GRM8: variants seen among roughly 807,000 people sequenced by gnomAD.
GRM8 encodes glutamate metabotropic receptor 8, also known as metabotropic glutamate receptor 8.
GRM8 carries 47 observed loss-of-function variants against 87.2 expected under a neutral mutation model. That is an observed-to-expected ratio of 0.54 (90% CI 0.43 to 0.69). The LOEUF is 0.69. GRM8 is among the 30% of genes least tolerant of loss of function. The pLI, the probability that GRM8 is intolerant of heterozygous loss-of-function variation, is 0.00. For missense variants in GRM8, 1,019 were observed against 1,139.2 expected (o/e 0.89, Z 1.52); for synonymous variants, 396 against 404.5 (o/e 0.98, Z 0.25).
chr7:126,863,287 C>T (rs1798293288), intron 6 of GRM8, among the ~76,000 whole-genome samples: 1 of 152,084 alleles, frequency 6.6e-6, no homozygotes. Flanking sequence ...GTTGGTGCCA[C>T]ATTTTATTAA....
At chr7:127,053,710 C>A in intron 3 of GRM8, among the ~76,000 whole-genome samples, 1 of 143,124 alleles carries the variant, frequency 7.0e-6, no homozygotes. Flanking sequence ...ATCACTTGAA[C>A]CTGGGAGGCA....
chr7:126,670,452 TTGTTA>T (rs541071503), intron 7 of GRM8, among the ~76,000 whole-genome samples: 19 of 152,330 alleles, frequency 1.2e-4, no homozygotes, highest in East Asian at 3.9e-4. Context: ...ATAATTAAGG[TTGTTA>T]TGTTAAGTTA....
intron 8 of GRM8, among the ~76,000 whole-genome samples, chr7:126,588,996 G>C (rs2151035278): frequency 6.6e-6 from 1 of 152,286 alleles, no homozygotes; most frequent in South Asian, 2.1e-4. Context: ...AGCCATTTCT[G>C]ACTTTGTCTC....
At chr7:126,855,966 T>G (rs1405893114) in intron 6 of GRM8, among the ~76,000 whole-genome samples, 1 of 152,188 alleles carries the variant, frequency 6.6e-6, no homozygotes, top group Non-Finnish European at 1.5e-5. Flanking sequence ...CATGTGAAGC[T>G]GTATGCCAGA....
chr7:126,862,582 A>T (rs748536645), intron 6 of GRM8, among the ~76,000 whole-genome samples: 10 of 152,050 alleles, frequency 6.6e-5, no homozygotes, highest in Non-Finnish European at 1.0e-4. Context: ...AATAAATATT[A>T]ACTGACTGCA....
At chr7:126,632,909 T>C (rs1448848410) in intron 7 of GRM8, among the ~76,000 whole-genome samples, 2 of 151,990 alleles carry the variant, frequency 1.3e-5, no homozygotes, top group African/African-American at 4.8e-5. Flanking sequence ...AGCGAGAGCA[T>C]GATATAGAGA....
chr7:126,958,057 G>A (rs1211767008), intron 3 of GRM8, among the ~76,000 whole-genome samples: 2 of 152,168 alleles, frequency 1.3e-5, no homozygotes, highest in African/African-American at 4.8e-5. Flanking sequence ...CCTACTTGGT[G>A]TCTCGGGTCT....
chr7:127,000,036 T>A (rs1391006799), intron 3 of GRM8, among the ~76,000 whole-genome samples: 1 of 151,858 alleles, frequency 6.6e-6, no homozygotes, highest in Non-Finnish European at 1.5e-5. Context: ...ATGTGGTACA[T>A]ATACACAATG....
At chr7:127,200,550 C>G (rs989564713) in intron 2 of GRM8, among the ~76,000 whole-genome samples, 1 of 152,200 alleles carries the variant, frequency 6.6e-6, no homozygotes, top group Non-Finnish European at 1.5e-5. Flanking sequence ...TGTTATCTCA[C>G]AGTCCTGGAG....
chr7:127,078,102 C>A (rs1822481514), intron 3 of GRM8, among the ~76,000 whole-genome samples: 1 of 152,226 alleles, frequency 6.6e-6, no homozygotes, highest in Non-Finnish European at 1.5e-5. Context: ...CATGTCTATT[C>A]AAATACCAAC....
chr7:126,546,123 T>C (rs1817128241), intron 8 of GRM8, among the ~76,000 whole-genome samples: 1 of 152,214 alleles, frequency 6.6e-6, no homozygotes, highest in Admixed American at 6.5e-5. Flanking sequence ...ATAAAGATGA[T>C]AATAATAGTA....
Position 126,438,844 on chromosome 7 carries a change from C to A in GRM8, c.*275G>T. The A allele has an allele frequency of 3.0e-6, 1 of 328,972 alleles. No individual in the cohort carries two copies. Among genetic ancestry groups the A allele is most frequent in the Non-Finnish European group, 5.6e-6 (1 of 179,368 alleles). The allele number at this position is 328,972 out of a possible 1,614,324, so 20.4% of individuals were successfully genotyped here. On this transcript the variant is annotated 3_prime_UTR_variant, in exon 11 of 11. Transcript: ENST00000339582. ...TTTCAACAGCATTTTTTTTCACGAG[C>A]TAACATTAGTTTTCCTTTTGTGATT...
intron 6 of GRM8, among the ~76,000 whole-genome samples, chr7:126,857,006 CT>C (rs1797747856): frequency 1.3e-5 from 2 of 152,306 alleles, no homozygotes; most frequent in South Asian, 4.1e-4. Context: ...TAAAGAAGTT[CT>C]TTGTAATTGC....
At chr7:127,091,464 C>CA (rs1824072358) in intron 3 of GRM8, among the ~76,000 whole-genome samples, 1 of 92,674 alleles carries the variant, frequency 1.1e-5, no homozygotes, top group African/African-American at 4.3e-5. Context: ...TCATCCCCCC[C>CA]ACCACCATCC....
At chr7:126,903,329 CT>C (rs1802286020) in intron 5 of GRM8, among the ~76,000 whole-genome samples, 1 of 151,942 alleles carries the variant, frequency 6.6e-6, no homozygotes, top group Non-Finnish European at 1.5e-5. Context: ...GATAGACTGC[CT>C]TTCAGGATGC....
At chr7:126,536,867 A>G (rs1815809416) in intron 8 of GRM8, among the ~76,000 whole-genome samples, 1 of 151,846 alleles carries the variant, frequency 6.6e-6, no homozygotes, top group African/African-American at 2.4e-5. Context: ...AATGAAAAAC[A>G]GCAAAAAAAA....
At chr7:127,213,709 T>A (rs569112239) in intron 2 of GRM8, among the ~76,000 whole-genome samples, 97 of 152,354 alleles carry the variant, frequency 6.4e-4, no homozygotes, top group African/African-American at 2.3e-3. Flanking sequence ...CTTCACTAGG[T>A]CTAATCTGTT....
At chr7:127,215,151 C>A (rs1796446526) in intron 2 of GRM8, 1 of 152,302 alleles carries the variant, frequency 6.6e-6, no homozygotes, top group South Asian at 2.1e-4. Flanking sequence ...TCCTACAAAG[C>A]TGATTCTCTT....
intron 2 of GRM8, among the ~76,000 whole-genome samples, chr7:127,143,719 C>T (rs1288736180): frequency 6.6e-6 from 1 of 152,042 alleles, no homozygotes; most frequent in East Asian, 1.9e-4. Context: ...AGGGCAAAGG[C>T]TTATTATATA....
Sources: gnomAD v4.1 joint callset for allele counts (sites outside exome capture counted in the v4.1 genomes callset) on GRCh38, gnomAD v4.1.1 for gene constraint, MANE v1.5 for transcripts, NCBI Gene and HGNC (gene_info 2026-07-23, HGNC 2026-07-21) for gene names.